PSMA5: variants seen among roughly 807,000 people sequenced by gnomAD.
The protein encoded by PSMA5 is proteasome 20S subunit alpha 5.
Under a neutral mutation model 34.5 loss-of-function variants are expected in PSMA5, and 3 were observed. The ratio of observed to expected loss-of-function variants is 0.09; its 90% CI spans 0.04 to 0.22. The LOEUF is 0.22. PSMA5 is among the 10% of genes least tolerant of loss of function. The pLI, the probability that PSMA5 is intolerant of heterozygous loss-of-function variation, is 1.00. For synonymous variants in PSMA5, 88 were observed against 95.8 expected (o/e 0.92, Z 0.47); for missense variants, 120 against 286.1 (o/e 0.42, Z 4.19).
In PSMA5 at chr1:109,402,154, G is replaced by A. The variant is rs1195002580; in HGVS notation, c.649-64C>T. ...TTACCCTGCTGATGGCCCTACCATG[G>A]TCAGGAGAAGCTGTGTTGGTGATGC... On this transcript the variant is annotated intron_variant, in intron 8 of 8. Transcript: ENST00000271308. The A allele has an allele frequency of 4.2e-6, 5 of 1,202,622 alleles. No individual in the cohort carries two copies. The African/African-American group carries it at 4.6e-5, about 11-fold the overall frequency. 74.5% of individuals were successfully genotyped at this position (1,202,622 alleles called of 1,614,324 possible). A position where few individuals can be genotyped will look rare whatever the true frequency, so the allele number is the denominator to read the frequency against.
intron 8 of PSMA5, among the ~76,000 whole-genome samples, chr1:109,404,277 A>C (rs1377480351): frequency 2.0e-5 from 3 of 152,222 alleles, no homozygotes; most frequent in Admixed American, 1.3e-4. Context: ...GCACCACTGC[A>C]CTTAGCCCAG....
chr1:109,409,938 G>T lies in PSMA5; in HGVS notation c.638C>A (p.Thr213Lys). Residue 213 changes from threonine to lysine, a missense_variant, in exon 8 of 9, where the codon ACA becomes AAA. By Grantham distance (78) the Thr-to-Lys change is moderately conservative. Around this residue, in one of 3 missense-constraint regions of PSMA5, gnomAD observed 83 missense variants for 203.2 expected, o/e 0.41. Coordinates refer to ENST00000271308, the MANE Select transcript of PSMA5 (RefSeq NM_002790.4). Reference sequence around the variant, plus strand: ...TAAAACAGAAAGTACCTCAATGTTTGTTGCATTCAGCTTCTCCTCCATTAC... The same window carrying T: ...TAAAACAGAAAGTACCTCAATGTTTTTTGCATTCAGCTTCTCCTCCATTAC... The part of the protein sequence containing the change: ...KQVMEEKLNA[T>K]NIELATVQPG... 6.3e-7 allele frequency: 1 copy of T among 1,597,390 alleles called. No individual in the cohort carries two copies. The highest frequency in any genetic ancestry group is 2.2e-5 in the East Asian group (1 of 44,744).
At chr1:109,417,524 C>A (rs1654261392) in intron 2 of PSMA5, among the ~76,000 whole-genome samples, 1 of 152,226 alleles carries the variant, frequency 6.6e-6, no homozygotes, top group Non-Finnish European at 1.5e-5. Context: ...CTCCCCCACT[C>A]CCGTGGAAGA....
intron 2 of PSMA5, among the ~76,000 whole-genome samples, chr1:109,416,145 T>G (rs191527993): frequency 1.2e-4 from 18 of 152,340 alleles, no homozygotes; most frequent in African/African-American, 4.1e-4. Context: ...TTATTCATAT[T>G]CCATGCCTAG....
chr1:109,413,298 C>G (rs1206622362), intron 3 of PSMA5, among the ~76,000 whole-genome samples, 163 bp from the exon 4 acceptor site: 2 of 152,164 alleles, frequency 1.3e-5, no homozygotes, highest in Non-Finnish European at 2.9e-5. Context: ...TGCACTGAAC[C>G]CAAGTATTAA....
At chr1:109,426,147 G>A (rs1053116423) in intron 1 of PSMA5, 155 bp downstream of exon 1, 1 of 965,344 alleles carries the variant, frequency 1.0e-6, no homozygotes, top group Non-Finnish European at 1.6e-6. Flanking sequence ...GCTTGGGGAA[G>A]GACGGCGGGC....
At chr1:109,412,231 A>G in intron 4 of PSMA5, 47 bp from the exon 5 acceptor site, 1 of 1,472,798 alleles carries the variant, frequency 6.8e-7, no homozygotes, top group Non-Finnish European at 9.5e-7. Context: ...AAGGACATTA[A>G]AGCAGCCCAC....
chr1:109,408,220 C>T (rs1015541319), intron 8 of PSMA5, among the ~76,000 whole-genome samples: 2 of 152,176 alleles, frequency 1.3e-5, no homozygotes, highest in Admixed American at 6.5e-5. Flanking sequence ...CCCTTACCGT[C>T]CCCCACCATC....
At chr1:109,426,246 A>C in intron 1 of PSMA5, 56 bp downstream of exon 1, 1 of 1,603,864 alleles carries the variant, frequency 6.2e-7, no homozygotes, top group Non-Finnish European at 8.5e-7. Flanking sequence ...CCGCGCGGCC[A>C]GGTCCCGGGC....
chr1:109,416,133 T>A (rs939219463), intron 2 of PSMA5, among the ~76,000 whole-genome samples: 4 of 152,168 alleles, frequency 2.6e-5, no homozygotes, highest in Non-Finnish European at 5.9e-5. Context: ...TATGAACAAA[T>A]GTTATTCATA....
Position 109,400,026 on chromosome 1 carries a change from G to A in PSMA5, c.*1987C>T, listed in dbSNP as rs1348177380. On this transcript the variant is annotated 3_prime_UTR_variant, in exon 9 of 9. Coordinates refer to ENST00000271308, the MANE Select transcript of PSMA5 (RefSeq NM_002790.4). ...TAGTAAGATCACTTCTTTAACCTAA[G>A]AAAGCTTGTTTTAATATTCTACAAA... 1.3e-5 allele frequency: 2 copies of A among 152,136 alleles called. No homozygotes were observed. Among genetic ancestry groups the A allele is most frequent in the African/African-American group, 2.4e-5 (1 of 41,424 alleles). 9.4% of individuals were successfully genotyped at this position (152,136 alleles called of 1,614,324 possible).
chr1:109,418,502 A>G (rs957794495), intron 2 of PSMA5, among the ~76,000 whole-genome samples: 5 of 152,186 alleles, frequency 3.3e-5, no homozygotes, highest in African/African-American at 1.2e-4. Flanking sequence ...TTTTTTGTGA[A>G]GACAAAGTCT....
At chr1:109,422,800 C>T (rs1057072118) in intron 1 of PSMA5, among the ~76,000 whole-genome samples, 1 of 152,172 alleles carries the variant, frequency 6.6e-6, no homozygotes, top group Admixed American at 6.5e-5. Flanking sequence ...AAAAGTTAGT[C>T]ACAGGTACAT....
chr1:109,404,513 G>C (rs1653667185), intron 8 of PSMA5, among the ~76,000 whole-genome samples: 1 of 152,010 alleles, frequency 6.6e-6, no homozygotes, highest in South Asian at 2.1e-4. Flanking sequence ...GGAAAACTCT[G>C]AGTGGAACAG....
intron 7 of PSMA5, 109 bp downstream of exon 7, chr1:109,410,902 G>C: frequency 1.3e-6 from 1 of 782,696 alleles, no homozygotes; most frequent in Non-Finnish European, 2.1e-6. Flanking sequence ...TATTTATCTT[G>C]TTTTGCAATT....
At chr1:109,424,204 A>G (rs1459840184) in intron 1 of PSMA5, among the ~76,000 whole-genome samples, 2 of 152,172 alleles carry the variant, frequency 1.3e-5, no homozygotes, top group African/African-American at 4.8e-5. Flanking sequence ...ATTGAATGCA[A>G]TCCCTCATCA....
At position 109,426,441 on chromosome 1, in the gene PSMA5, G is replaced by T; in HGVS notation, c.-111C>A. 2 of 1,373,094 alleles carry T rather than the reference G, an allele frequency of 1.5e-6. No individual in the cohort carries two copies. The highest frequency in any genetic ancestry group is 2.1e-6 in the Non-Finnish European group (2 of 961,990). 85.1% of individuals were successfully genotyped at this position (1,373,094 alleles called of 1,614,324 possible). On this transcript the variant is annotated 5_prime_UTR_variant, in exon 1 of 9. Coordinates refer to ENST00000271308, the MANE Select transcript of PSMA5 (RefSeq NM_002790.4). ...TCACCCACACGGCCGCAGTACTAAG[G>T]ACCAACTGCGCGTGCGACCGCGACC...
intron 4 of PSMA5, chr1:109,412,759 T>G (rs941625316): frequency 4.0e-6 from 1 of 247,248 alleles, no homozygotes; most frequent in Non-Finnish European, 7.7e-6. Context: ...TTTAACTACG[T>G]CCACCTCCTG....
Position 109,413,176 on chromosome 1 carries a change from T to C in PSMA5, c.224-41A>G, listed in dbSNP as rs1027374526. The C allele has an allele frequency of 5.1e-6, 8 of 1,576,582 alleles. No homozygotes were observed. In the African/African-American group the frequency reaches 1.1e-4, roughly 21 times the overall value. ...GACAGTGACCCAGTGGCCAAATCCT[T>C]GTAAAACTCTTTCATCCACTCAGGA... On this transcript the variant is annotated intron_variant, in intron 3 of 8. Transcript: ENST00000271308.
Sources: gnomAD v4.1 joint callset for allele counts (sites outside exome capture counted in the v4.1 genomes callset) on GRCh38, gnomAD v4.1.1 for gene constraint, gnomAD v4.1.1 regional missense constraint, MANE v1.5 for transcripts, NCBI Gene and HGNC (gene_info 2026-07-23, HGNC 2026-07-21) for gene names.